The following SH3BP5 variants were observed in gnomAD, a reference collection of about 807,000 sequenced individuals.
SH3BP5 encodes the protein SH3 domain-binding protein 5.
In SH3BP5, 22 loss-of-function variants were observed where a neutral mutation model predicts 43.3. The ratio of observed to expected loss-of-function variants is 0.51; its 90% CI spans 0.36 to 0.73. The LOEUF is 0.73. Ranked by LOEUF, SH3BP5 falls within the 30% of genes least tolerant of loss-of-function variation. SH3BP5 has a pLI of 0.00. For missense variants in SH3BP5, 529 were observed against 586.9 expected (o/e 0.90, Z 1.02); for synonymous variants, 255 against 225.8 (o/e 1.13, Z -1.16).
intron 3 of SH3BP5, among the ~76,000 whole-genome samples, chr3:15,293,565 A>G (rs1697474094): frequency 6.6e-6 from 1 of 152,222 alleles, no homozygotes; most frequent in Non-Finnish European, 1.5e-5. Context: ...AACTGCACCA[A>G]TGAGCTCAAA....
intron 3 of SH3BP5, among the ~76,000 whole-genome samples, chr3:15,279,216 A>G (rs1697054192): frequency 6.6e-6 from 1 of 152,214 alleles, no homozygotes; most frequent in South Asian, 2.1e-4. Flanking sequence ...TTTGTCAAAC[A>G]TAGGGGACAT....
intron 3 of SH3BP5, among the ~76,000 whole-genome samples, chr3:15,270,082 A>C (rs1000732404): frequency 6.6e-6 from 1 of 152,252 alleles, no homozygotes; most frequent in Admixed American, 6.5e-5. Flanking sequence ...GTGAGCGAAC[A>C]ATTTCCACAG....
intron 2 of SH3BP5, among the ~76,000 whole-genome samples, chr3:15,314,560 C>A (rs1007544346): frequency 1.3e-5 from 2 of 152,054 alleles, no homozygotes; most frequent in African/African-American, 4.8e-5. Flanking sequence ...GGTGTAGGAG[C>A]CAGGAAGAAG....
intron 3 of SH3BP5, among the ~76,000 whole-genome samples, chr3:15,302,615 AG>A (rs1230988604): frequency 1.3e-5 from 2 of 152,094 alleles, no homozygotes; most frequent in African/African-American, 2.4e-5. Flanking sequence ...GCATGGAAAT[AG>A]GAAAAAGAAG....
At chr3:15,309,676 G>A (rs1281223411) in intron 2 of SH3BP5, among the ~76,000 whole-genome samples, 3 of 152,170 alleles carry the variant, frequency 2.0e-5, no homozygotes, top group South Asian at 2.1e-4. Context: ...TGATGGGCAG[G>A]TTCAGGGCCT....
intron 6 of SH3BP5, chr3:15,259,310 C>CA (rs1162968939): frequency 5.7e-5 from 32 of 564,070 alleles, no homozygotes; most frequent in Non-Finnish European, 9.5e-5. Context: ...ATCAGGGAAG[C>CA]AAAAATGGGC....
intron 2 of SH3BP5, among the ~76,000 whole-genome samples, chr3:15,320,836 G>A (rs1698308379): frequency 6.6e-6 from 1 of 152,110 alleles, no homozygotes; most frequent in African/African-American, 2.4e-5. Flanking sequence ...AGAGTCACAG[G>A]GTAGGCACCT....
chr3:15,274,271 G>T (rs1247904861), intron 3 of SH3BP5, among the ~76,000 whole-genome samples: 1 of 151,776 alleles, frequency 6.6e-6, no homozygotes, highest in Non-Finnish European at 1.5e-5. Context: ...AAGAAAGAAA[G>T]AAAGAAATAC....
intron 3 of SH3BP5, among the ~76,000 whole-genome samples, chr3:15,301,353 A>G (rs972267870): frequency 1.3e-5 from 2 of 152,176 alleles, no homozygotes; most frequent in African/African-American, 4.8e-5. Flanking sequence ...TGGCTCCCCA[A>G]CATCATTCAC....
Position 15,316,502 on chromosome 3 carries a change from T to A in SH3BP5, c.202-12271A>T, listed in dbSNP as rs1698189364. 3.3e-5 allele frequency among the ~76,000 whole-genome samples: 5 copies of A among 152,074 alleles called. No homozygotes were observed. In the South Asian group the frequency reaches 1.0e-3, roughly 32 times the overall value. Reference sequence around the variant, plus strand: ...CCTCCCAAAGTGCTGGGATTACAGGTGTGAACCACATACCCAGCCAAGACT... The same window carrying A: ...CCTCCCAAAGTGCTGGGATTACAGGAGTGAACCACATACCCAGCCAAGACT... On this transcript the variant is annotated intron_variant, in intron 2 of 8. Coordinates refer to ENST00000383791, the MANE Select transcript of SH3BP5 (RefSeq NM_004844.5).
intron 3 of SH3BP5, among the ~76,000 whole-genome samples, chr3:15,279,283 T>C (rs1697055999): frequency 6.6e-6 from 1 of 152,236 alleles, no homozygotes; most frequent in Non-Finnish European, 1.5e-5. Flanking sequence ...ATCAGTTTAA[T>C]AGTGTTATTT....
At chr3:15,291,205 C>T (rs1357757833) in intron 3 of SH3BP5, among the ~76,000 whole-genome samples, 2 of 152,226 alleles carry the variant, frequency 1.3e-5, no homozygotes, top group Middle Eastern at 6.3e-3. Context: ...TTTAGTATCA[C>T]TCAACTCTCC....
At position 15,255,026 on chromosome 3, in the gene SH3BP5, T is replaced by C. The variant is rs949788271; in HGVS notation, c.*1060A>G. On this transcript the variant is annotated 3_prime_UTR_variant, in exon 9 of 9. Transcript: ENST00000383791. Reference sequence around the variant, plus strand: ...ACAGTTTGAAAGAGGGTTGCTTTTTTCTTTTAGAAATGCTAAATTTTCTTA... The same window carrying C: ...ACAGTTTGAAAGAGGGTTGCTTTTTCCTTTTAGAAATGCTAAATTTTCTTA... The C allele has an allele frequency of 1.1e-4, 17 of 152,534 alleles. No individual in the cohort carries two copies. The highest frequency in any genetic ancestry group is 4.1e-4 in the African/African-American group (17 of 41,462). The allele number at this position is 152,534 out of a possible 1,614,324, so 9.4% of individuals were successfully genotyped here.
chr3:15,332,465 G>A lies in SH3BP5; in HGVS notation c.-57C>T, dbSNP rs1161996549. The A allele has an allele frequency of 1.4e-6, 2 of 1,442,820 alleles. No homozygotes were observed. The highest frequency in any genetic ancestry group is 1.8e-6 in the Non-Finnish European group (2 of 1,104,314). The allele number at this position is 1,442,820 out of a possible 1,614,324, so 89.4% of individuals were successfully genotyped here. ...GCTCCGGAGCGCCCCGGGGGTCGCG[G>A]CTGCCACAGGCTGGGCTGGAGCCGC... On this transcript the variant is annotated 5_prime_UTR_variant, in exon 1 of 9. Transcript: ENST00000383791.
At chr3:15,334,806 G>A (rs912496305), upstream of SH3BP5, among the ~76,000 whole-genome samples, 3 of 151,642 alleles carry the variant, frequency 2.0e-5, no homozygotes, top group African/African-American at 4.8e-5. Context: ...CAAAAAATTC[G>A]CCAAGTGTGG....
chr3:15,315,519 G>A (rs377293294), intron 2 of SH3BP5, among the ~76,000 whole-genome samples: 8 of 148,656 alleles, frequency 5.4e-5, no homozygotes, highest in African/African-American at 1.8e-4. Context: ...AGAGGACAGA[G>A]ACAAGGTAAG....
At chr3:15,332,157 C>T in intron 1 of SH3BP5, 114 bp downstream of exon 1, 1 of 1,487,228 alleles carries the variant, frequency 6.7e-7, no homozygotes, top group South Asian at 1.3e-5. Context: ...CCTATGTGGC[C>T]GCCAGTCCCC....
At chr3:15,308,985 T>C (rs1163319540) in intron 2 of SH3BP5, among the ~76,000 whole-genome samples, 1 of 152,148 alleles carries the variant, frequency 6.6e-6, no homozygotes, top group Non-Finnish European at 1.5e-5. Flanking sequence ...CAACTGTGAA[T>C]AGCACTTACC....
chr3:15,307,798 C>T (rs1340702337), intron 2 of SH3BP5, among the ~76,000 whole-genome samples: 6 of 152,246 alleles, frequency 3.9e-5, no homozygotes, highest in African/African-American at 1.4e-4. Context: ...TGGTGGTGGC[C>T]AGTGCCAGTG....
Sources: gnomAD v4.1 joint callset for allele counts (sites outside exome capture counted in the v4.1 genomes callset) on GRCh38, gnomAD v4.1.1 for gene constraint, MANE v1.5 for transcripts, NCBI Gene and HGNC (gene_info 2026-07-23, HGNC 2026-07-21) for gene names.